Variants in KDM2B observed in about 807,000 individuals in gnomAD.
The protein encoded by KDM2B is lysine demethylase 2B.
KDM2B carries 26 observed loss-of-function variants against 150.0 expected under a neutral mutation model. The ratio of observed to expected loss-of-function variants is 0.17; its 90% CI spans 0.13 to 0.24. The LOEUF is 0.24. Ranked by LOEUF, KDM2B falls within the 10% of genes least tolerant of loss-of-function variation. The pLI, the probability that KDM2B is intolerant of heterozygous loss-of-function variation, is 1.00. For synonymous variants in KDM2B, 734 were observed against 729.5 expected (o/e 1.01, Z -0.10); for missense variants, 1,265 against 1,816.9 (o/e 0.70, Z 5.52).
intron 6 of KDM2B, among the ~76,000 whole-genome samples, chr12:121,548,583 GACAC>G (rs1594102717): frequency 6.6e-6 from 1 of 152,212 alleles, no homozygotes; most frequent in Non-Finnish European, 1.5e-5. Context: ...CTTGCGTACA[GACAC>G]ACACACCGAT....
chr12:121,547,990 T>C (rs1314566444), intron 6 of KDM2B, among the ~76,000 whole-genome samples: 1 of 152,144 alleles, frequency 6.6e-6, no homozygotes, highest in Admixed American at 6.6e-5. Context: ...CAAAGGTGAC[T>C]TCCTCCTCCC....
At chr12:121,413,270 ACCTT>A in the KDM2B span, among the ~76,000 whole-genome samples, 2 of 144,474 alleles carry the variant, frequency 1.4e-5, no homozygotes, top group Admixed American at 6.8e-5. Flanking sequence ...CAGGAGATCC[ACCTT>A]CCTTGGCCTC....
intron 11 of KDM2B, among the ~76,000 whole-genome samples, chr12:121,500,471 C>T (rs1884433905): frequency 6.6e-6 from 1 of 152,232 alleles, no homozygotes; most frequent in Non-Finnish European, 1.5e-5. Flanking sequence ...CAACTTCTCT[C>T]AAAGAGATAA....
chr12:121,480,634 G>C (rs1189586339), intron 12 of KDM2B, among the ~76,000 whole-genome samples: 2 of 150,752 alleles, frequency 1.3e-5, no homozygotes, highest in Non-Finnish European at 2.9e-5. Context: ...AGCCGGGTGT[G>C]GTGGTGCACA....
intron 8 of KDM2B, among the ~76,000 whole-genome samples, chr12:121,532,455 C>T (rs1338032977): frequency 6.6e-6 from 1 of 152,184 alleles, no homozygotes; most frequent in Non-Finnish European, 1.5e-5. Flanking sequence ...TCCAGAATTC[C>T]ACCTGAGGCC....
intron 2 of KDM2B, among the ~76,000 whole-genome samples, chr12:121,577,628 G>C (rs1555317055): frequency 6.6e-6 from 1 of 152,230 alleles, no homozygotes; most frequent in African/African-American, 2.4e-5. Context: ...CCAGAACCTG[G>C]AGGAGGGAAG....
intron 13 of KDM2B, among the ~76,000 whole-genome samples, chr12:121,451,113 C>A (rs544219359): frequency 3.9e-5 from 6 of 151,984 alleles, no homozygotes; most frequent in Non-Finnish European, 5.9e-5. Context: ...TCCTGCCCCC[C>A]CCTTCTACCT....
chr12:121,428,778 C>G (rs1489622928), downstream of KDM2B, among the ~76,000 whole-genome samples: 3 of 152,198 alleles, frequency 2.0e-5, no homozygotes, highest in Non-Finnish European at 4.4e-5. Context: ...GTGTTTCCTA[C>G]AGCCACCATG....
At chr12:121,530,472 T>C (rs1050197484) in intron 8 of KDM2B, among the ~76,000 whole-genome samples, 16 of 152,128 alleles carry the variant, frequency 1.1e-4, no homozygotes, top group Non-Finnish European at 1.8e-4. Flanking sequence ...AAGTTTTTTT[T>C]CACTGGTCCA....
At position 121,483,625 on chromosome 12, in the gene KDM2B, C is replaced by T. The variant is rs574109379; in HGVS notation, c.1734+10954G>A. Among the ~76,000 whole-genome samples, 74 of 151,638 alleles carry T rather than the reference C, an allele frequency of 4.9e-4. No individual in the cohort carries two copies. In the South Asian group the frequency reaches 0.011, roughly 23 times the overall value. On this transcript the variant is annotated intron_variant, in intron 12 of 22. Coordinates refer to ENST00000377071, the MANE Select transcript of KDM2B (RefSeq NM_032590.5). ...CCGGGAGGTGTAGGTTGCCATGAGC[C>T]GAGATTGCACCACCGCACTCCAGCC...
chr12:121,515,827 G>A (rs74984107), intron 9 of KDM2B, among the ~76,000 whole-genome samples: 6,561 of 152,100 alleles, frequency 0.043, 189 homozygotes, highest in Middle Eastern at 0.11. Context: ...GCTTTGGAAT[G>A]GGATCATGGC....
intron 4 of KDM2B, among the ~76,000 whole-genome samples, chr12:121,573,668 TCCG>T (rs200975073): frequency 0.043 from 6,496 of 150,900 alleles, 278 homozygotes; most frequent in East Asian, 0.24. Flanking sequence ...CACAGCAAGC[TCCG>T]CCGCCTCCCA....
At chr12:121,579,943 CAAA>C (rs61355823) in intron 1 of KDM2B, 2,799 of 1,093,714 alleles carry the variant, frequency 2.6e-3, no homozygotes, top group Middle Eastern at 4.1e-3. Flanking sequence ...GAGAAACAAC[CAAA>C]AAAAAAAAAA....
chr12:121,529,392 G>T (rs1555307452), intron 8 of KDM2B, among the ~76,000 whole-genome samples: 3 of 152,158 alleles, frequency 2.0e-5, no homozygotes, highest in African/African-American at 7.2e-5. Flanking sequence ...GGCAGGAGGA[G>T]AGGTGCCTAA....
intron 1 of KDM2B, chr12:121,579,943 C>CAAAAAAAA: frequency 9.0e-7 from 1 of 1,107,260 alleles, no homozygotes. Flanking sequence ...GAGAAACAAC[C>CAAAAAAAA]AAAAAAAAAA....
intron 4 of KDM2B, among the ~76,000 whole-genome samples, chr12:121,553,100 C>T (rs1429195648): frequency 2.6e-5 from 4 of 152,052 alleles, no homozygotes; most frequent in East Asian, 3.9e-4. Context: ...GGTGTGGTGG[C>T]GGGCGCCTGT....
At chr12:121,481,455 T>C (rs782377683) in intron 12 of KDM2B, among the ~76,000 whole-genome samples, 1 of 151,668 alleles carries the variant, frequency 6.6e-6, no homozygotes. Flanking sequence ...TCACCTAAAT[T>C]TGAGGGACAG....
In KDM2B at chr12:121,467,300, T is replaced by TGACTCG. The variant is rs1555295063; in HGVS notation, c.1735-13957_1735-13956insCGAGTC. ...CGCCCGGAGCAGGCTCGGCTCGCCC[T>TGACTCG]GGCTCGGGCTCGGGCTCGGGCTCGG... On this transcript the variant is annotated intron_variant, in intron 12 of 22. Coordinates refer to ENST00000377071, the MANE Select transcript of KDM2B (RefSeq NM_032590.5). This position sits in a 1 kb window ranked among gnomAD's most constrained non-coding sequence, Gnocchi z 5.1. 1.0e-6 allele frequency: 1 copy of TGACTCG among 983,482 alleles called. No homozygotes were observed. The highest frequency in any genetic ancestry group is 1.2e-4 in the East Asian group (1 of 8,688). The allele number at this position is 983,482 out of a possible 1,614,324, so 60.9% of individuals were successfully genotyped here. A position where few individuals can be genotyped will look rare whatever the true frequency, so the allele number is the denominator to read the frequency against.
intron 1 of KDM2B, 64 bp from the exon 2 acceptor site, chr12:121,579,010 C>T (rs1891727815): frequency 6.4e-7 from 1 of 1,551,244 alleles, no homozygotes; most frequent in Admixed American, 1.7e-5. Context: ...GCCTCTCAAC[C>T]TGGGCCCAGC....
Sources: gnomAD v4.1 joint callset for allele counts (sites outside exome capture counted in the v4.1 genomes callset) on GRCh38, gnomAD v4.1.1 for gene constraint, Gnocchi (gnomAD v3.1) non-coding constraint, MANE v1.5 for transcripts, NCBI Gene and HGNC (gene_info 2026-07-23, HGNC 2026-07-21) for gene names.